HMBOX1: variants seen among roughly 807,000 people sequenced by gnomAD.
The protein encoded by HMBOX1 is homeobox-containing protein 1.
In HMBOX1, 14 loss-of-function variants were observed where a neutral mutation model predicts 54.5. The ratio of observed to expected loss-of-function variants is 0.26; its 90% CI spans 0.17 to 0.40. HMBOX1 has a LOEUF of 0.40. Among genes scored for constraint, HMBOX1 ranks in the 10% least tolerant of loss-of-function variants. HMBOX1 has a pLI of 1.00. For missense variants in HMBOX1, 332 were observed against 514.4 expected (o/e 0.65, Z 3.43); for synonymous variants, 160 against 181.0 (o/e 0.88, Z 0.93).
intron 4 of HMBOX1, among the ~76,000 whole-genome samples, chr8:28,999,730 G>C (rs1015563632): frequency 2.0e-5 from 3 of 151,676 alleles, no homozygotes; most frequent in Non-Finnish European, 4.4e-5. Flanking sequence ...ATTTCTATTT[G>C]GTTCTTATAA....
In HMBOX1 at chr8:28,976,838, C is replaced by T. The variant is rs867818589; in HGVS notation, c.501-3233C>T. Among the ~76,000 whole-genome samples, 8 of 151,628 alleles carry T rather than the reference C, an allele frequency of 5.3e-5. No individual in the cohort carries two copies. The South Asian group carries it at 1.5e-3, about 28-fold the overall frequency. On this transcript the variant is annotated intron_variant, in intron 3 of 9. Coordinates refer to ENST00000287701, the MANE Select transcript of HMBOX1 (RefSeq NM_001135726.3). ...TCTCCTGCCTCAGCCTCCTGAGTAG[C>T]TGGGATTACAGGGGCATGCCACCAC...
intron 1 of HMBOX1, among the ~76,000 whole-genome samples, chr8:28,896,390 A>AC (rs1258063517): frequency 3.2e-5 from 4 of 124,678 alleles, no homozygotes. Context: ...AGGTGTGTAG[A>AC]TTGCATAATC....
intron 6 of HMBOX1, among the ~76,000 whole-genome samples, chr8:29,043,983 C>T (rs1158848027): frequency 1.3e-5 from 2 of 152,086 alleles, no homozygotes; most frequent in Non-Finnish European, 2.9e-5. Flanking sequence ...GAGGATATAG[C>T]TCTATGACTT....
chr8:28,906,658 C>T (rs1489690680), intron 1 of HMBOX1, among the ~76,000 whole-genome samples: 1 of 152,018 alleles, frequency 6.6e-6, no homozygotes, highest in Non-Finnish European at 1.5e-5. Context: ...GGCATGATCT[C>T]AGCTCACTGC....
chr8:28,909,745 CAT>C (rs768034440), intron 1 of HMBOX1, among the ~76,000 whole-genome samples: 10 of 152,244 alleles, frequency 6.6e-5, no homozygotes, highest in Middle Eastern at 3.4e-3. Context: ...ACTTTACTGA[CAT>C]ATAATTTATT....
chr8:29,004,280 G>T (rs574870919), intron 4 of HMBOX1, among the ~76,000 whole-genome samples: 6 of 152,264 alleles, frequency 3.9e-5, no homozygotes, highest in Non-Finnish European at 8.8e-5. Flanking sequence ...TAATTGAGAT[G>T]ACCAAAGGAA....
At chr8:29,033,924 ATC>A (rs1382228368) in intron 6 of HMBOX1, among the ~76,000 whole-genome samples, 1 of 152,222 alleles carries the variant, frequency 6.6e-6, no homozygotes, top group African/African-American at 2.4e-5. Context: ...GAATTGGAAA[ATC>A]TTCACAGAAA....
chr8:28,969,833 G>C (rs897771359), intron 2 of HMBOX1, among the ~76,000 whole-genome samples: 2 of 152,088 alleles, frequency 1.3e-5, no homozygotes, highest in Admixed American at 1.3e-4. Context: ...ATGAAATTAG[G>C]TTTTATGTTA....
At chr8:28,985,652 A>C (rs1830045937) in intron 4 of HMBOX1, among the ~76,000 whole-genome samples, 1 of 152,168 alleles carries the variant, frequency 6.6e-6, no homozygotes, top group African/African-American at 2.4e-5. Context: ...CTGCCTTTTT[A>C]ACTTATCTTT....
intron 6 of HMBOX1, among the ~76,000 whole-genome samples, chr8:29,041,090 G>A (rs1277985236): frequency 6.6e-6 from 1 of 151,936 alleles, no homozygotes; most frequent in East Asian, 1.9e-4. Flanking sequence ...TCTCCCCCAA[G>A]TTCTCTTCTT....
intron 4 of HMBOX1, among the ~76,000 whole-genome samples, chr8:29,000,866 C>T (rs1832533300): frequency 6.6e-6 from 1 of 152,168 alleles, no homozygotes; most frequent in African/African-American, 2.4e-5. Flanking sequence ...GTTAAAATGT[C>T]ACATGCTATT....
chr8:28,935,475 C>T lies in HMBOX1; in HGVS notation c.-57-28336C>T, dbSNP rs143362075. On this transcript the variant is annotated intron_variant, in intron 1 of 9. Transcript: ENST00000287701. ...ATTGAGCAAATGTTGGTGGAAGAAC[C>T]GGATATCCATTTGAGGGTAAGGGGG... Among the ~76,000 whole-genome samples, 496 of 152,102 alleles carry T rather than the reference C, an allele frequency of 3.3e-3. 3 individuals carry two copies. The highest frequency in any genetic ancestry group is 0.011 in the African/African-American group (470 of 41,488).
intron 4 of HMBOX1, among the ~76,000 whole-genome samples, chr8:29,007,455 G>A (rs369088987): frequency 1.3e-5 from 2 of 152,202 alleles, no homozygotes; most frequent in Non-Finnish European, 2.9e-5. Flanking sequence ...GAAAACTGCT[G>A]TGTGAATTAT....
chr8:28,909,547 A>G (rs1301714607), intron 1 of HMBOX1, among the ~76,000 whole-genome samples: 2 of 152,212 alleles, frequency 1.3e-5, no homozygotes, highest in African/African-American at 2.4e-5. Context: ...TTTGAGAAGA[A>G]CTGTCCTAGA....
At chr8:29,038,022 C>T (rs1157383484) in intron 6 of HMBOX1, among the ~76,000 whole-genome samples, 1 of 152,194 alleles carries the variant, frequency 6.6e-6, no homozygotes, top group East Asian at 1.9e-4. Flanking sequence ...AGAGATAGTT[C>T]ACATGAAGGC....
At chr8:28,943,335 A>C (rs1821803278) in intron 1 of HMBOX1, among the ~76,000 whole-genome samples, 1 of 152,226 alleles carries the variant, frequency 6.6e-6, no homozygotes, top group Admixed American at 6.5e-5. Flanking sequence ...GAGTGGACAA[A>C]GAGTAGTAAA....
chr8:28,972,356 G>A (rs1310291533), intron 3 of HMBOX1, among the ~76,000 whole-genome samples: 1 of 152,158 alleles, frequency 6.6e-6, no homozygotes, highest in East Asian at 1.9e-4. Flanking sequence ...GGGACTGCAG[G>A]CGTGTGCCAC....
chr8:28,916,183 T>G (rs1337066740), intron 1 of HMBOX1, among the ~76,000 whole-genome samples: 1 of 152,202 alleles, frequency 6.6e-6, no homozygotes, highest in Non-Finnish European at 1.5e-5. Context: ...GAAGACAGCA[T>G]ATTTTCAGTA....
chr8:29,035,901 T>G (rs576620420), intron 6 of HMBOX1, among the ~76,000 whole-genome samples: 1 of 152,224 alleles, frequency 6.6e-6, no homozygotes, highest in Admixed American at 6.5e-5. Context: ...TTATCTCCAT[T>G]CTTTTCATGT....
Sources: allele counts gnomAD v4.1 joint callset (sites outside exome capture counted in the v4.1 genomes callset), GRCh38; gene constraint gnomAD v4.1.1; transcripts MANE v1.5; gene names NCBI Gene and HGNC (gene_info 2026-07-23, HGNC 2026-07-21).